ARVCF: variants seen among roughly 807,000 people sequenced by gnomAD.
ARVCF encodes the protein ARVCF delta catenin family member.
A neutral mutation model predicts 90.9 loss-of-function variants in ARVCF; 66 were observed. That is an observed-to-expected ratio of 0.73 (90% CI 0.60 to 0.89). The LOEUF is 0.89. Among genes scored for constraint, ARVCF ranks in the 40% least tolerant of loss-of-function variants. The pLI is 0.00. For missense variants in ARVCF, 1,469 were observed against 1,382.3 expected (o/e 1.06, Z -1.00); for synonymous variants, 653 against 603.4 (o/e 1.08, Z -1.21).
intron 2 of ARVCF, among the ~76,000 whole-genome samples, chr22:20,007,106 T>C (rs1191485947): frequency 1.3e-5 from 2 of 151,676 alleles, no homozygotes; most frequent in Non-Finnish European, 1.5e-5. Flanking sequence ...ATACAAAAAT[T>C]AGCCAGGCAT....
At chr22:20,010,926 C>T (rs536196536) in intron 1 of ARVCF, among the ~76,000 whole-genome samples, 43 of 152,376 alleles carry the variant, frequency 2.8e-4, no homozygotes, top group African/African-American at 8.4e-4. Context: ...AGTCCGCTCC[C>T]GCCTTGTGGG....
At chr22:19,974,087 C>T (rs756484797) in intron 12 of ARVCF, 25 bp downstream of exon 12, 65 of 1,590,092 alleles carry the variant, frequency 4.1e-5, no homozygotes, top group Non-Finnish European at 5.1e-5. Context: ...AGGACTTGCC[C>T]ACCCTGCCCG....
chr22:20,002,189 G>C (rs921121975), intron 2 of ARVCF, among the ~76,000 whole-genome samples: 1 of 152,206 alleles, frequency 6.6e-6, no homozygotes, highest in African/African-American at 2.4e-5. Flanking sequence ...AGGAAGTCAC[G>C]GATGTGTCTA....
chr22:19,979,162 C>T (rs1241974474), intron 6 of ARVCF, 82 bp from the exon 7 acceptor site: 12 of 1,436,966 alleles, frequency 8.4e-6, no homozygotes, highest in Non-Finnish European at 1.1e-5. Flanking sequence ...CAGGACCTGT[C>T]CCACTCTCCT....
At position 19,979,189 on chromosome 22, in the gene ARVCF, C is replaced by G. The variant is rs930358813; in HGVS notation, c.1397-109G>C. On this transcript the variant is annotated intron_variant, in intron 6 of 19. Transcript: ENST00000263207. ...CACTCTCCTCATGTCCCAGCTCATG[C>G]AGAACAGTAGGAAGTAACAAAAGCC... 2.4e-6 allele frequency: 3 copies of G among 1,226,448 alleles called. No individual in the cohort carries two copies. The African/African-American group carries it at 4.5e-5, about 18-fold the overall frequency. 76.0% of individuals were successfully genotyped at this position (1,226,448 alleles called of 1,614,324 possible).
chr22:20,000,888 T>C (rs1411494838), intron 2 of ARVCF, among the ~76,000 whole-genome samples: 2 of 152,174 alleles, frequency 1.3e-5, no homozygotes, highest in Non-Finnish European at 2.9e-5. Context: ...CCTCCAGCAC[T>C]GTGAACAGTA....
chr22:19,995,385 A>AG (rs965908950), intron 2 of ARVCF, among the ~76,000 whole-genome samples: 3 of 148,710 alleles, frequency 2.0e-5, no homozygotes, highest in Admixed American at 6.7e-5. Context: ...CATGAATGGA[A>AG]GGGGGGGTGG....
downstream of ARVCF, chr22:19,967,781 TC>T (rs574555015): frequency 1.1e-3 from 249 of 231,724 alleles, no homozygotes; most frequent in African/African-American, 5.4e-3. Context: ...AGGTCCTTCC[TC>T]CCCATAGGCA....
intron 1 of ARVCF, among the ~76,000 whole-genome samples, chr22:20,015,786 A>C (rs1285825231): frequency 6.6e-6 from 1 of 152,206 alleles, no homozygotes; most frequent in African/African-American, 2.4e-5. Context: ...CCTTATTTCT[A>C]AATATGCCTG....
chr22:20,008,740 C>A (rs993436910), intron 2 of ARVCF, among the ~76,000 whole-genome samples: 3 of 152,212 alleles, frequency 2.0e-5, no homozygotes, highest in Non-Finnish European at 4.4e-5. Flanking sequence ...CAAGCCAGAG[C>A]AGAGATGGCA....
chr22:20,005,919 A>T (rs1234481348), intron 2 of ARVCF, among the ~76,000 whole-genome samples: 3 of 152,228 alleles, frequency 2.0e-5, no homozygotes, highest in Non-Finnish European at 4.4e-5. Flanking sequence ...CAGTGGAAAA[A>T]TGGATAAACA....
Position 19,981,525 on chromosome 22 carries a change from C to G in ARVCF, c.582G>C (p.Glu194Asp). 1.9e-6 allele frequency: 3 copies of G among 1,577,798 alleles called. No individual in the cohort carries two copies. The highest frequency in any genetic ancestry group is 2.6e-6 in the Non-Finnish European group (3 of 1,163,504). ...SSGGGFPEGP[E>D]PRDSPSYGSL... The stretch of plus-strand genomic sequence containing the variant: ...TGCCATAGCTGGGGCTGTCCCGGGG[C>G]TCGGGGCCTTCGGGAAAGCCACCCC... Residue 194 changes from glutamate (E) to aspartate (D), a missense_variant, in exon 5 of 20, where the codon GAG (glutamate) becomes GAC (aspartate). Coordinates refer to ENST00000263207, the MANE Select transcript of ARVCF (RefSeq NM_001670.3).
downstream of ARVCF, chr22:19,968,818 G>C: frequency 7.4e-7 from 1 of 1,359,768 alleles, no homozygotes; most frequent in Non-Finnish European, 1.0e-6. Context: ...GACCTTCTGC[G>C]GCTCCGGGCT....
At position 19,978,026 on chromosome 22, in the gene ARVCF, C is replaced by A. The variant is rs1011398415; in HGVS notation, c.1630G>T (p.Glu544Ter). 1 of 1,612,052 alleles carries A rather than the reference C, an allele frequency of 6.2e-7. No homozygotes were observed. The highest frequency in any genetic ancestry group is 8.5e-7 in the Non-Finnish European group (1 of 1,179,620). ...TGCAGGAGCGCGTCCACCAGCCCTT[C>A]ACACTCCCGGAGTCGCCGCCGGGCC... Reference protein sequence around the residue: ...AEARRRLRECEGLVDALLHAL... With the variant: ...AEARRRLREC The change falls in exon 8 of 20, where the codon GAA (glutamate) becomes TAA (stop). Residue 544 changes from glutamate (E) to a stop codon, truncating the protein, a stop_gained. Coordinates refer to ENST00000263207, the MANE Select transcript of ARVCF (RefSeq NM_001670.3). LOFTEE classifies it high-confidence loss of function.
Position 19,974,150 on chromosome 22 carries a change from C to T in ARVCF, c.2050G>A (p.Ala684Thr), listed in dbSNP as rs138605057. The change falls in exon 12 of 20, where the codon GCC becomes ACC. Residue 684 changes from alanine (A) to threonine (T), a missense_variant. Coordinates refer to ENST00000263207, the MANE Select transcript of ARVCF (RefSeq NM_001670.3). ...SRNFNTLEAA[A>T]GALQNLSAGN... ...GCACTGAGGTTCTGCAGAGCGCCGG[C>T]GGCAGCCTCCAGGGTGTTGAAGTTC... 2.4e-4 allele frequency: 388 copies of T among 1,612,714 alleles called. 2 individuals carry two copies. Among genetic ancestry groups the T allele is most frequent in the South Asian group, 8.1e-4 (74 of 91,056 alleles).
intron 1 of ARVCF, among the ~76,000 whole-genome samples, chr22:20,011,163 G>A (rs1239250929): frequency 6.6e-6 from 1 of 152,198 alleles, no homozygotes; most frequent in Non-Finnish European, 1.5e-5. Context: ...GAGACAAGGG[G>A]GTGCCTGTAC....
At position 19,990,717 on chromosome 22, in the gene ARVCF, C is replaced by T. The variant is rs2146380757; in HGVS notation, c.78G>A (p.Leu26=). ...VKEQEARFER[L]TRALEQERRH... ...GCCGCTCCTGCTCCAGTGCCCGTGT[C>T]AGCCTCTCGAAGCGGGCCTCCTGCT... The change falls in exon 3 of 20, where the codon CTG becomes CTA. Residue 26 remains leucine (L), a synonymous_variant. Coordinates refer to ENST00000263207, the MANE Select transcript of ARVCF (RefSeq NM_001670.3). The T allele has an allele frequency of 6.3e-7, 1 of 1,595,410 alleles. No homozygotes were observed. The highest frequency in any genetic ancestry group is 8.5e-7 in the Non-Finnish European group (1 of 1,170,822).
At chr22:19,972,256 C>T (rs779001051) in intron 17 of ARVCF, 102 bp downstream of exon 17, 331 of 1,506,764 alleles carry the variant, frequency 2.2e-4, no homozygotes, top group Non-Finnish European at 2.8e-4. Flanking sequence ...AAATATCTCT[C>T]CTCCACCCAG....
Position 19,972,832 on chromosome 22 carries a change from G to A in ARVCF, c.2551-5C>T, listed in dbSNP as rs530724473. 5.6e-6 allele frequency: 9 copies of A among 1,613,680 alleles called. No homozygotes were observed. The South Asian group carries it at 6.6e-5, about 12-fold the overall frequency. On this transcript the variant is annotated splice_polypyrimidine_tract_variant and splice_region_variant and intron_variant, in intron 15 of 19. Transcript: ENST00000263207. The stretch of plus-strand genomic sequence containing the variant: ...CTTGGCAGTAGCAGCAGCTGACTGA[G>A]ACATAAAACACAGACACAGGGTGGG...
Sources: gnomAD v4.1 joint callset for allele counts (sites outside exome capture counted in the v4.1 genomes callset) on GRCh38, gnomAD v4.1.1 for gene constraint, MANE v1.5 for transcripts, NCBI Gene and HGNC (gene_info 2026-07-23, HGNC 2026-07-21) for gene names.